CENPP: variants seen among roughly 807,000 people sequenced by gnomAD.
CENPP encodes the protein centromere protein P.
In CENPP, 24 loss-of-function variants were observed where a neutral mutation model predicts 35.6. The ratio of observed to expected loss-of-function variants is 0.67; its 90% CI spans 0.49 to 0.95. The LOEUF (loss-of-function observed/expected upper bound fraction) is 0.95, where lower values mean the gene tolerates loss of function less well. Ranked by LOEUF, CENPP falls within the 40% of genes least tolerant of loss-of-function variation. The probability of loss-of-function intolerance (pLI) is 0.00; values close to 1 mark genes in which losing one functional copy is unlikely to be tolerated. For synonymous variants in CENPP, 120 were observed against 125.5 expected, an observed-to-expected ratio of 0.96 and a Z score of 0.29; for missense variants, 332 against 345.3, an observed-to-expected ratio of 0.96 and a Z score of 0.31.
intron 5 of CENPP, among the ~76,000 whole-genome samples, chr9:92,488,055 G>A (rs1846101206): frequency 6.6e-6 from 1 of 152,152 alleles, no homozygotes; most frequent in Non-Finnish European, 1.5e-5. Context: ...TCTAGCTTAG[G>A]CCGAGCTATG....
intron 5 of CENPP, among the ~76,000 whole-genome samples, chr9:92,543,736 T>C (rs1849368210): frequency 6.6e-6 from 1 of 152,180 alleles, no homozygotes; most frequent in Non-Finnish European, 1.5e-5. Flanking sequence ...CAGCGATTTA[T>C]AGGTTTCAGT....
At chr9:92,594,748 AGTTT>A (rs924176476) in intron 5 of CENPP, among the ~76,000 whole-genome samples, 1 of 152,116 alleles carries the variant, frequency 6.6e-6, no homozygotes, top group Non-Finnish European at 1.5e-5. Context: ...TGAGGCCAGG[AGTTT>A]GAGACCATCC....
At chr9:92,378,365 T>A (rs1842170012) in intron 4 of CENPP, among the ~76,000 whole-genome samples, 1 of 152,178 alleles carries the variant, frequency 6.6e-6, no homozygotes, top group African/African-American at 2.4e-5. Flanking sequence ...CTGGGGCCTT[T>A]TGGGTTATTG....
chr9:92,361,003 G>A (rs1179140821), intron 4 of CENPP, among the ~76,000 whole-genome samples: 1 of 151,938 alleles, frequency 6.6e-6, no homozygotes, highest in Non-Finnish European at 1.5e-5. Context: ...CCCCGCCCCC[G>A]GCCATATTTA....
chr9:92,577,434 G>A (rs1042646201), intron 5 of CENPP, among the ~76,000 whole-genome samples: 3 of 152,138 alleles, frequency 2.0e-5, no homozygotes, highest in Non-Finnish European at 4.4e-5. Flanking sequence ...TTCTTATTAT[G>A]AAATACCATT....
intron 5 of CENPP, among the ~76,000 whole-genome samples, chr9:92,388,998 C>A (rs1306685788): frequency 6.6e-6 from 1 of 152,024 alleles, no homozygotes; most frequent in Non-Finnish European, 1.5e-5. Flanking sequence ...AAAAAATGGA[C>A]TATTTGTACA....
chr9:92,393,691 C>A (rs1842778961), intron 5 of CENPP, among the ~76,000 whole-genome samples: 1 of 152,142 alleles, frequency 6.6e-6, no homozygotes, highest in South Asian at 2.1e-4. Context: ...TCCTTTAGCA[C>A]CCCAAGTCAT....
chr9:92,560,868 CTTTTTT>C (rs58467942), intron 5 of CENPP, among the ~76,000 whole-genome samples: 4 of 126,116 alleles, frequency 3.2e-5, no homozygotes, highest in East Asian at 2.4e-4. Flanking sequence ...TTTTTCTTGT[CTTTTTT>C]TTTTTTTTTT....
chr9:92,461,556 G>A (rs1564333554), intron 5 of CENPP, among the ~76,000 whole-genome samples: 1 of 152,090 alleles, frequency 6.6e-6, no homozygotes, highest in East Asian at 1.9e-4. Context: ...CAGCTTCCAT[G>A]TGATATCATT....
intron 5 of CENPP, among the ~76,000 whole-genome samples, chr9:92,601,931 C>T (rs980952090): frequency 6.6e-6 from 1 of 152,222 alleles, no homozygotes; most frequent in Non-Finnish European, 1.5e-5. Flanking sequence ...TCCTTCCTAG[C>T]TCTTTCCACT....
chr9:92,351,162 C>T (rs1841429675), intron 4 of CENPP, among the ~76,000 whole-genome samples: 1 of 152,162 alleles, frequency 6.6e-6, no homozygotes, highest in Non-Finnish European at 1.5e-5. Flanking sequence ...ACAACCATCA[C>T]CACTATCTGT....
chr9:92,491,294 G>A (rs1846166240), intron 5 of CENPP, among the ~76,000 whole-genome samples: 1 of 152,166 alleles, frequency 6.6e-6, no homozygotes, highest in South Asian at 2.1e-4. Context: ...TAGCGGCACA[G>A]GCACTGAATA....
chr9:92,457,006 T>C (rs1302281558), intron 5 of CENPP: 8 of 1,144,300 alleles, frequency 7.0e-6, no homozygotes, highest in African/African-American at 1.6e-5. Context: ...TATCTTACTT[T>C]TTTGTTATGA....
intron 5 of CENPP, among the ~76,000 whole-genome samples, chr9:92,511,496 C>G (rs1303065453): frequency 6.6e-6 from 1 of 151,444 alleles, no homozygotes; most frequent in Non-Finnish European, 1.5e-5. Context: ...GTGCTGTTTC[C>G]TGTTCTCTCT....
intron 4 of CENPP, among the ~76,000 whole-genome samples, chr9:92,350,965 G>A (rs912960284): frequency 6.6e-6 from 1 of 152,168 alleles, no homozygotes; most frequent in Non-Finnish European, 1.5e-5. Context: ...ATTTCCTGAA[G>A]CTTGAGCTGA....
At chr9:92,365,677 C>T (rs1841870053) in intron 4 of CENPP, among the ~76,000 whole-genome samples, 1 of 151,822 alleles carries the variant, frequency 6.6e-6, no homozygotes, top group African/African-American at 2.4e-5. Context: ...TCACAAAGTG[C>T]TGGGATTATA....
intron 5 of CENPP, among the ~76,000 whole-genome samples, chr9:92,583,009 A>C (rs527976546): frequency 9.4e-4 from 143 of 152,270 alleles, no homozygotes; most frequent in Middle Eastern, 3.4e-3. Context: ...AACAGCTTTC[A>C]CTGTGTTTGA....
chr9:92,571,492 A>G (rs1279995823), intron 5 of CENPP, among the ~76,000 whole-genome samples: 4 of 152,176 alleles, frequency 2.6e-5, no homozygotes, highest in African/African-American at 9.7e-5. Context: ...GGAGTGCTTT[A>G]CTTCCAACTA....
intron 5 of CENPP, among the ~76,000 whole-genome samples, chr9:92,556,905 G>A (rs1194750906): frequency 6.6e-6 from 1 of 152,058 alleles, no homozygotes; most frequent in South Asian, 2.1e-4. Context: ...TTTTTAGCTT[G>A]TATTTTTGTT....
Sources: gnomAD v4.1 joint callset for allele counts (sites outside exome capture counted in the v4.1 genomes callset) on GRCh38, gnomAD v4.1.1 for gene constraint, MANE v1.5 for transcripts, NCBI Gene and HGNC (gene_info 2026-07-23, HGNC 2026-07-21) for gene names.